Variants in OR52I2 observed in about 807,000 individuals in gnomAD.
The protein encoded by OR52I2 is olfactory receptor family 52 subfamily I member 2.
For missense variants in OR52I2, 350 were observed against 402.4 expected (o/e 0.87, Z 1.11); for synonymous variants, 147 against 151.9 (o/e 0.97, Z 0.24).
rs1464974308 is a variant in OR52I2 at position 4,582,060 on chromosome 11, AG to A, written c.-20+199del. On this transcript the variant is annotated intron_variant, in intron 1 of 1. Transcript: ENST00000641896. ...TGATGTTTGGATGAGGGAGGTGGAGAGGGAACGGAAATATGGTTACTTTGCT... is the reference window on the plus strand; with the variant it reads ...TGATGTTTGGATGAGGGAGGTGGAGAGGAACGGAAATATGGTTACTTTGCT... 2.6e-5 allele frequency among the ~76,000 whole-genome samples: 4 copies of A among 152,308 alleles called. No homozygotes were observed. The East Asian group carries it at 7.7e-4, about 29-fold the overall frequency.
At chr11:4,583,430 T>TGATCA (rs1846275588) in intron 1 of OR52I2, among the ~76,000 whole-genome samples, 1 of 152,110 alleles carries the variant, frequency 6.6e-6, no homozygotes, top group South Asian at 2.1e-4. Context: ...GGATCAGAGG[T>TGATCA]GAGTGGGGAA....
chr11:4,584,052 C>T (rs1846280685), intron 1 of OR52I2, among the ~76,000 whole-genome samples: 1 of 152,106 alleles, frequency 6.6e-6, no homozygotes. Flanking sequence ...AAGTGATGCC[C>T]CGATGAGAAC....
rs1251265531 is a variant in OR52I2 at position 4,582,440 on chromosome 11, T to C, written c.-20+576T>C. On this transcript the variant is annotated intron_variant, in intron 1 of 1. Transcript: ENST00000641896. ...TTATATTTATTTATTTTTCATTTTTTTTTTTTTTTTTTTTTTGAGATGGTG... is the reference window on the plus strand; with the variant it reads ...TTATATTTATTTATTTTTCATTTTTCTTTTTTTTTTTTTTTTGAGATGGTG... 3.5e-3 allele frequency among the ~76,000 whole-genome samples: 238 copies of C among 67,084 alleles called. 3 individuals carry two copies. The highest frequency in any genetic ancestry group is 0.01 in the African/African-American group (233 of 22,888). The allele number at this position is 67,084 out of a possible 152,430, so 44.0% of individuals were successfully genotyped here.
chr11:4,589,993 T>TGTGAA (rs1247721725), exon 2 of OR52I2: 1 of 151,298 alleles, frequency 6.6e-6, no homozygotes, highest in Non-Finnish European at 1.5e-5. Flanking sequence ...CAGGTCTGCA[T>TGTGAA]GTGAATATCC....
intron 1 of OR52I2, among the ~76,000 whole-genome samples, chr11:4,583,796 T>A (rs2566254): frequency 0.87 from 131,911 of 152,210 alleles, 58,386 homozygotes; most frequent in East Asian, 1. Flanking sequence ...TGTCCAAGAA[T>A]TTTGGCTTTT....
At chr11:4,588,723 C>T (rs991795519) in exon 2 of OR52I2, 8 of 152,162 alleles carry the variant, frequency 5.3e-5, no homozygotes, top group Non-Finnish European at 8.8e-5. Flanking sequence ...AATGTGAACT[C>T]GACTTTGAGA....
At chr11:4,583,900 G>T (rs908566541) in intron 1 of OR52I2, among the ~76,000 whole-genome samples, 2 of 152,180 alleles carry the variant, frequency 1.3e-5, no homozygotes, top group East Asian at 3.8e-4. Flanking sequence ...AATTGAAGGG[G>T]CAAATATATG....
intron 1 of OR52I2, among the ~76,000 whole-genome samples, chr11:4,582,692 C>T (rs539562941): frequency 6.6e-6 from 1 of 152,162 alleles, no homozygotes; most frequent in Admixed American, 6.5e-5. Context: ...ACCTCGGCCT[C>T]CCAAAGTGCT....
intron 1 of OR52I2, among the ~76,000 whole-genome samples, chr11:4,583,880 C>G (rs934078378): frequency 2.0e-5 from 3 of 152,084 alleles, no homozygotes; most frequent in Non-Finnish European, 4.4e-5. Context: ...GCTAGGCTTT[C>G]TAGGAGGTTA....
chr11:4,591,763 G>A (rs1846352163), exon 2 of OR52I2: 1 of 152,162 alleles, frequency 6.6e-6, no homozygotes, highest in African/African-American at 2.4e-5. Context: ...TTGTTTTATG[G>A]CAGCAGAAAT....
At chr11:4,581,922 A>C (rs183773401) in intron 1 of OR52I2, 58 bp downstream of exon 1, 1 of 152,404 alleles carries the variant, frequency 6.6e-6, no homozygotes, top group East Asian at 1.9e-4. Context: ...TGTTGGGCTG[A>C]TGACCTGACA....
chr11:4,587,294 A>C (rs547097275), exon 2 of OR52I2: 6 of 1,613,774 alleles, frequency 3.7e-6, no homozygotes, highest in South Asian at 3.3e-5. Context: ...AAGCCTCTAC[A>C]CTACAAGAGA....
At chr11:4,591,434 G>A (rs527604392) in exon 2 of OR52I2, 5 of 152,268 alleles carry the variant, frequency 3.3e-5, no homozygotes, top group Middle Eastern at 6.8e-3. Flanking sequence ...CTAAGAAACA[G>A]TTCTTGAGCG....
exon 2 of OR52I2, chr11:4,587,189 C>A: frequency 6.2e-7 from 1 of 1,614,170 alleles, no homozygotes; most frequent in Non-Finnish European, 8.5e-7. Flanking sequence ...AGCTTTAGTG[C>A]TTGTTTCACT....
chr11:4,584,626 G>A (rs947155357), intron 1 of OR52I2, among the ~76,000 whole-genome samples: 10 of 152,096 alleles, frequency 6.6e-5, no homozygotes, highest in East Asian at 1.9e-4. Flanking sequence ...TAAGGGAGAC[G>A]GTTGTCACAG....
At chr11:4,592,965 CA>C (rs1589845030) in exon 2 of OR52I2, 2 of 152,238 alleles carry the variant, frequency 1.3e-5, no homozygotes, top group Non-Finnish European at 1.5e-5. Context: ...AGCTTAAACC[CA>C]AAACTTACCA....
exon 2 of OR52I2, chr11:4,591,168 GA>G (rs1846347809): frequency 6.6e-6 from 1 of 152,116 alleles, no homozygotes. Flanking sequence ...GGCTAAGAGA[GA>G]AAATGTGTAC....
intron 1 of OR52I2, among the ~76,000 whole-genome samples, chr11:4,584,965 T>C (rs1050014921): frequency 6.6e-6 from 1 of 152,212 alleles, no homozygotes; most frequent in Non-Finnish European, 1.5e-5. Context: ...AGCTACATTT[T>C]ATTGAGCACC....
At chr11:4,589,550 G>A (rs1204721128) in exon 2 of OR52I2, 2 of 152,156 alleles carry the variant, frequency 1.3e-5, no homozygotes, top group Non-Finnish European at 2.9e-5. Flanking sequence ...CTGTCTAGGT[G>A]TGGTGGGTAT....
Sources: gnomAD v4.1 joint callset for allele counts (sites outside exome capture counted in the v4.1 genomes callset) on GRCh38, gnomAD v4.1.1 for gene constraint, MANE v1.5 for transcripts, NCBI Gene and HGNC (gene_info 2026-07-23, HGNC 2026-07-21) for gene names.